COL5A2: variants seen among roughly 807,000 people sequenced by gnomAD.
COL5A2 encodes collagen type V alpha 2 chain.
COL5A2 carries 23 observed loss-of-function variants against 208.2 expected under a neutral mutation model. The ratio of observed to expected loss-of-function variants is 0.11; its 90% CI spans 0.08 to 0.16. COL5A2 has a LOEUF of 0.16. Ranked by LOEUF, COL5A2 falls within the 10% of genes least tolerant of loss-of-function variation. The probability of loss-of-function intolerance (pLI) is 1.00; values close to 1 mark genes in which losing one functional copy is unlikely to be tolerated. For synonymous variants in COL5A2, 625 were observed against 628.5 expected (o/e 0.99, Z 0.08); for missense variants, 1,590 against 1,956.4 (o/e 0.81, Z 3.53).
chr2:189,429,195 G>A, the COL5A2 span, among the ~76,000 whole-genome samples: 1 of 152,122 alleles, frequency 6.6e-6, no homozygotes. Context: ...AGGTATATGT[G>A]CTTCAAGTCA....
At chr2:189,287,336 T>C in the COL5A2 span, among the ~76,000 whole-genome samples, 3 of 152,058 alleles carry the variant, frequency 2.0e-5, no homozygotes, top group Non-Finnish European at 4.4e-5. Context: ...TAAAAAATGT[T>C]ATTTGCTTTC....
chr2:189,247,806 C>G, the COL5A2 span, among the ~76,000 whole-genome samples: 2 of 152,090 alleles, frequency 1.3e-5, no homozygotes, highest in Admixed American at 1.3e-4. Context: ...TCTCTAATTC[C>G]TGACCTCAAG....
At chr2:189,158,003 T>G (rs1240527633) in intron 1 of COL5A2, among the ~76,000 whole-genome samples, 1 of 151,972 alleles carries the variant, frequency 6.6e-6, no homozygotes, top group African/African-American at 2.4e-5. Context: ...TTATATACTG[T>G]GGTATCCCTA....
chr2:189,352,835 T>C, the COL5A2 span, among the ~76,000 whole-genome samples: 67 of 152,330 alleles, frequency 4.4e-4, no homozygotes, highest in Middle Eastern at 3.4e-3. Flanking sequence ...GCCATTGCTT[T>C]TGGTGTTTTA....
At position 189,034,146 on chromosome 2, in the gene COL5A2, A is replaced by G. The variant is rs1033836182; in HGVS notation, c.4424T>C (p.Ile1475Thr). ...GCCAACATCCACAGGAGCAAGATCT[A>G]TGATGGGCAAGCGTGCCACATTCTG... ...RTQNVARLPI[I>T]DLAPVDVGGT... Residue 1475 changes from isoleucine to threonine, a missense_variant, in exon 54 of 54, where the codon ATA becomes ACA. Ile to Thr is a moderately conservative substitution (Grantham distance 89). Transcript: ENST00000374866. 3.1e-6 allele frequency: 5 copies of G among 1,613,912 alleles called. No individual in the cohort carries two copies. The highest frequency in any genetic ancestry group is 4.5e-5 in the East Asian group (2 of 44,894).
At chr2:189,188,971 A>T (rs1983318) in intron 1 of COL5A2, among the ~76,000 whole-genome samples, 114,667 of 152,080 alleles carry the variant, frequency 0.75, 45,458 homozygotes, top group Non-Finnish European at 0.88. Flanking sequence ...TCTCTTCTAC[A>T]CCTTCAGTGA....
At chr2:189,166,976 A>G (rs1056296034) in intron 1 of COL5A2, among the ~76,000 whole-genome samples, 2 of 152,244 alleles carry the variant, frequency 1.3e-5, no homozygotes, top group African/African-American at 2.4e-5. Flanking sequence ...ATTTGAAAGA[A>G]AATCTGGGAA....
intron 1 of COL5A2, among the ~76,000 whole-genome samples, chr2:189,176,067 A>C (rs1053983603): frequency 6.6e-6 from 1 of 152,192 alleles, no homozygotes; most frequent in African/African-American, 2.4e-5. Flanking sequence ...CTGAGTGTTA[A>C]ATATCTGCTT....
At chr2:189,318,602 A>C in the COL5A2 span, among the ~76,000 whole-genome samples, 1 of 152,232 alleles carries the variant, frequency 6.6e-6, no homozygotes, top group Non-Finnish European at 1.5e-5. Context: ...CCTCCAATTA[A>C]TAGTACCTGA....
At chr2:189,292,860 T>C in the COL5A2 span, among the ~76,000 whole-genome samples, 1 of 152,130 alleles carries the variant, frequency 6.6e-6, no homozygotes, top group Non-Finnish European at 1.5e-5. Context: ...AACCCAAATG[T>C]CCAGCAATGA....
At chr2:189,377,259 A>G in the COL5A2 span, among the ~76,000 whole-genome samples, 23 of 152,274 alleles carry the variant, frequency 1.5e-4, no homozygotes, top group African/African-American at 5.3e-4. Flanking sequence ...TCTGCTTTAC[A>G]ATTCCTACAT....
the COL5A2 span, among the ~76,000 whole-genome samples, chr2:189,362,958 A>G: frequency 2.0e-5 from 3 of 152,254 alleles, no homozygotes; most frequent in East Asian, 5.8e-4. Flanking sequence ...ATATGCTAGT[A>G]AATTTTAAGA....
At chr2:189,073,219 C>A (rs1310478196) in intron 17 of COL5A2, among the ~76,000 whole-genome samples, 1 of 151,858 alleles carries the variant, frequency 6.6e-6, no homozygotes, top group South Asian at 2.1e-4. Context: ...ATAATATTTT[C>A]TTTTCTTGGT....
At chr2:189,250,299 T>A in the COL5A2 span, among the ~76,000 whole-genome samples, 1 of 152,192 alleles carries the variant, frequency 6.6e-6, no homozygotes, top group Non-Finnish European at 1.5e-5. Context: ...ATTTTACAGA[T>A]GAGGGCTAAA....
chr2:189,271,313 T>A, the COL5A2 span, among the ~76,000 whole-genome samples: 3 of 152,040 alleles, frequency 2.0e-5, no homozygotes, highest in African/African-American at 7.2e-5. Flanking sequence ...CACAGATATA[T>A]AGACCAATGG....
chr2:189,295,412 A>T, the COL5A2 span, among the ~76,000 whole-genome samples: 8 of 152,236 alleles, frequency 5.3e-5, no homozygotes, highest in Admixed American at 1.3e-4. Flanking sequence ...GTTCGAGACC[A>T]GCCTGGCCAA....
the COL5A2 span, among the ~76,000 whole-genome samples, chr2:189,382,871 G>A: frequency 6.6e-6 from 1 of 152,114 alleles, no homozygotes; most frequent in African/African-American, 2.4e-5. Flanking sequence ...TTGTCACAGG[G>A]CAGGGAGGAT....
At chr2:189,235,569 T>C in the COL5A2 span, among the ~76,000 whole-genome samples, 5 of 151,836 alleles carry the variant, frequency 3.3e-5, no homozygotes, top group African/African-American at 9.7e-5. Context: ...ATGCAATATG[T>C]GTCCTTTTAC....
intron 51 of COL5A2, 33 bp from the exon 52 acceptor site, chr2:189,036,836 A>G: frequency 1.4e-6 from 2 of 1,469,620 alleles, no homozygotes; most frequent in Non-Finnish European, 1.9e-6. Context: ...TACTAAATAA[A>G]GACAATCTCA....
Sources: gnomAD v4.1 joint callset for allele counts (sites outside exome capture counted in the v4.1 genomes callset) on GRCh38, gnomAD v4.1.1 for gene constraint, MANE v1.5 for transcripts, NCBI Gene and HGNC (gene_info 2026-07-23, HGNC 2026-07-21) for gene names.